Variants in FAM184A observed in about 807,000 individuals in gnomAD.
The protein encoded by FAM184A is protein FAM184A.
FAM184A carries 99 observed loss-of-function variants against 143.8 expected under a neutral mutation model. That is an observed-to-expected ratio of 0.69 (90% CI 0.58 to 0.81). FAM184A has a LOEUF of 0.81. Among genes scored for constraint, FAM184A ranks in the 40% least tolerant of loss-of-function variants. The probability of loss-of-function intolerance (pLI) is 0.00; values close to 1 mark genes in which losing one functional copy is unlikely to be tolerated. For missense variants in FAM184A, 1,217 were observed against 1,310.5 expected, an observed-to-expected ratio of 0.93 and a Z score of 1.10; for synonymous variants, 427 against 446.4, an observed-to-expected ratio of 0.96 and a Z score of 0.55.
chr6:119,090,851 C>T (rs1788346009), intron 1 of FAM184A, among the ~76,000 whole-genome samples: 1 of 152,138 alleles, frequency 6.6e-6, no homozygotes, highest in South Asian at 2.1e-4. Context: ...GTTGGCTTAC[C>T]CATGTCAGGC....
intron 9 of FAM184A, among the ~76,000 whole-genome samples, chr6:118,986,467 G>A (rs1242396691): frequency 6.6e-6 from 1 of 152,188 alleles, no homozygotes. Flanking sequence ...TGTACAGAGG[G>A]AGTGGGCAGG....
intron 1 of FAM184A, among the ~76,000 whole-genome samples, chr6:119,052,958 T>G (rs1047809501): frequency 1.2e-4 from 18 of 152,206 alleles, no homozygotes; most frequent in African/African-American, 4.3e-4. Context: ...GGGATTTAAG[T>G]AGAGGAATAA....
chr6:119,030,606 T>C (rs538534305), intron 1 of FAM184A, among the ~76,000 whole-genome samples: 205 of 152,094 alleles, frequency 1.3e-3, no homozygotes, highest in Non-Finnish European at 2.5e-3. Flanking sequence ...ATTTCAAAAA[T>C]TGATGTTATG....
chr6:119,114,955 A>G (rs1382060760), intron 1 of FAM184A, among the ~76,000 whole-genome samples: 4 of 152,196 alleles, frequency 2.6e-5, no homozygotes, highest in Non-Finnish European at 1.5e-5. Context: ...CTTGGACTCA[A>G]GCAATCCTCC....
chr6:119,002,810 T>C, intron 9 of FAM184A, 89 bp downstream of exon 9: 1 of 1,178,890 alleles, frequency 8.5e-7, no homozygotes, highest in Non-Finnish European at 1.2e-6. Context: ...AATAACAAAA[T>C]TCAGTGAATT....
At position 118,970,008 on chromosome 6, in the gene FAM184A, A is replaced by ATATATATATATATATATTTTTTTT; in HGVS notation, c.2916-3057_2916-3056insAAAAAAAATATATATATATATATA. 2.1e-4 allele frequency among the ~76,000 whole-genome samples: 4 copies of ATATATATATATATATATTTTTTTT among 19,048 alleles called. 1 individual carries two copies. Among genetic ancestry groups the ATATATATATATATATATTTTTTTT allele is most frequent in the Non-Finnish European group, 4.5e-4 (4 of 8,878 alleles). The allele number at this position is 19,048 out of a possible 152,430, so 12.5% of individuals were successfully genotyped here. On this transcript the variant is annotated intron_variant, in intron 14 of 17. Coordinates refer to ENST00000338891, the MANE Select transcript of FAM184A (RefSeq NM_024581.6). ...ATATATATATAATATATATATATAT[A>ATATATATATATATATATTTTTTTT]TTTTTTTTTTTTTGAGATGGAGTTT...
intron 6 of FAM184A, among the ~76,000 whole-genome samples, 198 bp from the exon 7 acceptor site, chr6:119,006,806 C>A (rs1784933228): frequency 6.6e-6 from 1 of 152,076 alleles, no homozygotes; most frequent in African/African-American, 2.4e-5. Flanking sequence ...CATTTAAGAT[C>A]TTCTTTTTTC....
At chr6:119,119,700 G>C (rs375474581) in intron 1 of FAM184A, among the ~76,000 whole-genome samples, 1 of 152,122 alleles carries the variant, frequency 6.6e-6, no homozygotes, top group Admixed American at 6.5e-5. Flanking sequence ...GCTAGGTGTC[G>C]TGGCTCATGC....
chr6:119,039,483 A>T (rs1483308930), intron 1 of FAM184A, among the ~76,000 whole-genome samples: 1 of 152,250 alleles, frequency 6.6e-6, no homozygotes, highest in Non-Finnish European at 1.5e-5. Flanking sequence ...AACATGAAGA[A>T]ATCTTAAATG....
chr6:118,998,088 T>A (rs1054315394), intron 9 of FAM184A, among the ~76,000 whole-genome samples: 3 of 152,158 alleles, frequency 2.0e-5, no homozygotes, highest in African/African-American at 4.8e-5. Flanking sequence ...AAACTTACCA[T>A]CTCATCTCCC....
chr6:119,135,943 G>A (rs1789647402), intron 1 of FAM184A, among the ~76,000 whole-genome samples: 1 of 151,586 alleles, frequency 6.6e-6, no homozygotes, highest in African/African-American at 2.4e-5. Flanking sequence ...TACCCAGATG[G>A]CCCTAAATAT....
chr6:119,128,683 C>T (rs996685763), intron 1 of FAM184A, among the ~76,000 whole-genome samples: 8 of 151,966 alleles, frequency 5.3e-5, no homozygotes, highest in Admixed American at 1.3e-4. Context: ...AACTGAGGCC[C>T]CCAGTTACAA....
At chr6:119,072,457 C>CACTT in intron 1 of FAM184A, among the ~76,000 whole-genome samples, 1 of 152,304 alleles carries the variant, frequency 6.6e-6, no homozygotes, top group East Asian at 1.9e-4. Flanking sequence ...TGTTCAAAGA[C>CACTT]TCAAGTCATA....
chr6:119,074,078 A>G (rs1025864789), intron 1 of FAM184A, among the ~76,000 whole-genome samples: 2 of 152,222 alleles, frequency 1.3e-5, no homozygotes, highest in Admixed American at 6.5e-5. Context: ...AGAGCCACTG[A>G]GGTGGGAGGT....
At chr6:119,135,069 C>T (rs1789628101) in intron 1 of FAM184A, among the ~76,000 whole-genome samples, 5 of 152,174 alleles carry the variant, frequency 3.3e-5, no homozygotes, top group Admixed American at 3.3e-4. Context: ...AGAAGCCTTA[C>T]TCTTAAGAAC....
chr6:119,010,652 T>A (rs1323287873), intron 6 of FAM184A, among the ~76,000 whole-genome samples: 5 of 152,204 alleles, frequency 3.3e-5, no homozygotes, highest in African/African-American at 1.2e-4. Flanking sequence ...TTGCTTATGG[T>A]GTGTTTTGAT....
intron 1 of FAM184A, among the ~76,000 whole-genome samples, chr6:119,066,494 A>C (rs1190399523): frequency 1.3e-5 from 2 of 152,206 alleles, no homozygotes; most frequent in African/African-American, 4.8e-5. Flanking sequence ...TAGAACGTGA[A>C]CATCTTTGAG....
intron 14 of FAM184A, among the ~76,000 whole-genome samples, chr6:118,974,090 T>A (rs1223046602): frequency 6.6e-6 from 1 of 152,150 alleles, no homozygotes; most frequent in Non-Finnish European, 1.5e-5. Flanking sequence ...ATCATAGTAT[T>A]CCTATTGTTC....
intron 1 of FAM184A, among the ~76,000 whole-genome samples, chr6:119,122,249 G>A (rs1789234678): frequency 1.3e-5 from 2 of 152,210 alleles, no homozygotes; most frequent in Admixed American, 1.3e-4. Flanking sequence ...GCCTCTGAAG[G>A]GAATGTCTTG....
Sources: allele counts gnomAD v4.1 joint callset (sites outside exome capture counted in the v4.1 genomes callset), GRCh38; gene constraint gnomAD v4.1.1; transcripts MANE v1.5; gene names NCBI Gene and HGNC (gene_info 2026-07-23, HGNC 2026-07-21).